The following DHRS7C variants were observed in gnomAD, a reference collection of about 807,000 sequenced individuals.
The protein encoded by DHRS7C is dehydrogenase/reductase 7C, also known as dehydrogenase/reductase SDR family member 7C.
DHRS7C carries 28 observed loss-of-function variants against 29.6 expected under a neutral mutation model. The observed-to-expected ratio is 0.95, with a 90% confidence interval of 0.70 to 1.30. DHRS7C has a LOEUF of 1.30. Among genes scored for constraint, DHRS7C ranks in the 50% most tolerant of loss-of-function variants. The pLI, the probability that DHRS7C is intolerant of heterozygous loss-of-function variation, is 0.00. For missense variants in DHRS7C, 403 were observed against 393.3 expected (o/e 1.02, Z -0.21); for synonymous variants, 158 against 160.2 (o/e 0.99, Z 0.10).
rs1361240512 is a variant in DHRS7C at position 9,771,543 on chromosome 17, A to G, written c.881T>C (p.Phe294Ser). The G allele has an allele frequency of 2.5e-6, 4 of 1,588,532 alleles. No individual in the cohort carries two copies. Among genetic ancestry groups the G allele is most frequent in the Middle Eastern group, 1.7e-4 (1 of 5,982 alleles). Residue 294 changes from phenylalanine (F) to serine (S), a missense_variant, in exon 6 of 6, where the codon TTC becomes TCC. Transcript: ENST00000571134. The stretch of plus-strand genomic sequence containing the variant: ...CTTCACCCCACAGGCCACCACGGCG[A>G]AAAAGAACTCCGGGAAGAAGGTGCG... ...YVRTFFPEFF[F>S]AVVACGVKEK...
rs543965888 is a variant in DHRS7C at position 9,775,361 on chromosome 17, G to A, written c.571+1832C>T. Among the ~76,000 whole-genome samples, 8 of 152,318 alleles carry A rather than the reference G, an allele frequency of 5.3e-5. No individual in the cohort carries two copies. The highest frequency in any genetic ancestry group is 1.9e-4 in the East Asian group (1 of 5,178). ...CCCCAGGTGGACTGCACTTCCCAGC[G>A]TCCCTTGCACTTAGGTGCGACTGAG... is the stretch of plus-strand genomic sequence containing the variant. On this transcript the variant is annotated intron_variant, in intron 4 of 5. Coordinates refer to ENST00000571134, the MANE Select transcript of DHRS7C (RefSeq NM_001105571.3). This position sits in a 1 kb window ranked among gnomAD's most constrained non-coding sequence, Gnocchi z 4.2.
chr17:9,791,280 C>T lies in DHRS7C; in HGVS notation c.5G>A (p.Gly2Glu), dbSNP rs766432562. 3.4e-5 allele frequency: 55 copies of T among 1,613,452 alleles called. 2 individuals carry two copies. Among genetic ancestry groups the T allele is most frequent in the South Asian group, 4.4e-5 (4 of 90,910 alleles). ...GGGGAGCATCAGCATGGCCATGACT[C>T]CCATCTTGTTCTGGGGGACAACGGA... M[G>E]VMAMLMLPLL... is the part of the protein sequence containing the mutation. Residue 2 changes from glycine (G) to glutamate (E), a missense_variant, in exon 1 of 6, where the codon GGA becomes GAA. Physicochemically the swap from Gly to Glu is moderately conservative, Grantham distance 98 (BLOSUM62 -2). Coordinates refer to ENST00000571134, the MANE Select transcript of DHRS7C (RefSeq NM_001105571.3).
chr17:9,779,189 C>T (rs1259166357), intron 3 of DHRS7C, among the ~76,000 whole-genome samples: 1 of 152,186 alleles, frequency 6.6e-6, no homozygotes, highest in Non-Finnish European at 1.5e-5. Flanking sequence ...TTTCCAGCCC[C>T]ACTTCCCAGG....
intron 3 of DHRS7C, 149 bp from the exon 4 acceptor site, chr17:9,777,434 C>T (rs2066368906): frequency 3.8e-6 from 2 of 528,232 alleles, no homozygotes; most frequent in Non-Finnish European, 6.6e-6. Context: ...GGAATGAGTC[C>T]TGCAATCATT....
chr17:9,790,350 G>A (rs1443259629), intron 1 of DHRS7C, among the ~76,000 whole-genome samples: 1 of 152,200 alleles, frequency 6.6e-6, no homozygotes, highest in Non-Finnish European at 1.5e-5. Flanking sequence ...TGTCTGGAAG[G>A]ATAGAGTCAG....
At chr17:9,779,346 C>G (rs1460428951) in intron 3 of DHRS7C, among the ~76,000 whole-genome samples, 1 of 152,210 alleles carries the variant, frequency 6.6e-6, no homozygotes, top group African/African-American at 2.4e-5. Context: ...AAGGGGTTGA[C>G]AGAATACTGG....
chr17:9,781,451 G>A lies in DHRS7C; in HGVS notation c.267+31C>T, dbSNP rs1366139108. The A allele has an allele frequency of 4.4e-6, 7 of 1,605,508 alleles. No homozygotes were observed. The Admixed American group carries it at 1.0e-4, about 23-fold the overall frequency. ...CAATGGAGGCTGGGAGTTCCCAGGA[G>A]TTACCCACGCCTACTGCTAGAAGAC... On this transcript the variant is annotated intron_variant, in intron 2 of 5. Coordinates refer to ENST00000571134, the MANE Select transcript of DHRS7C (RefSeq NM_001105571.3).
rs2066392942 is a variant in DHRS7C at position 9,781,533 on chromosome 17, C to A, written c.216G>T (p.Glu72Asp). Residue 72 changes from glutamate (E) to aspartate (D), a missense_variant, in exon 2 of 6, where the codon GAG (glutamate) becomes GAT (aspartate). Glu to Asp is a conservative substitution (Grantham distance 45). Transcript: ENST00000571134. ...ARLVLCGKNW[E>D]RLENLYDALI... is the part of the protein sequence containing the mutation. ...AGGCATCATATAGGTTCTCTAGCCTCTCCCAGTTCTTTCCACACAGCACCA... is the reference window on the plus strand; with the variant it reads ...AGGCATCATATAGGTTCTCTAGCCTATCCCAGTTCTTTCCACACAGCACCA... The A allele has an allele frequency of 1.9e-6, 3 of 1,614,030 alleles. No homozygotes were observed. Among genetic ancestry groups the A allele is most frequent in the Middle Eastern group, 1.7e-4 (1 of 6,060 alleles).
At position 9,771,598 on chromosome 17, in the gene DHRS7C, T is replaced by C. The variant is rs750405748; in HGVS notation, c.826A>G (p.Asn276Asp). Residue 276 changes from asparagine to aspartate, a missense_variant, in exon 6 of 6, where the codon AAC becomes GAC. By Grantham distance (23) the Asn-to-Asp change is conservative. Transcript: ENST00000571134. ...RRKKQEVFMANPIPKAAVYVR... is the reference protein window; with the variant it reads ...RRKKQEVFMADPIPKAAVYVR... ...TACACGGCGGCCTTGGGGATGGGGT[T>C]GGCCATAAACACCTCTTGCTTCTTC... The C allele has an allele frequency of 1.9e-6, 3 of 1,600,014 alleles. No individual in the cohort carries two copies. Among genetic ancestry groups the C allele is most frequent in the Non-Finnish European group, 2.6e-6 (3 of 1,172,574 alleles).
At chr17:9,773,492 C>G (rs966712804) in intron 4 of DHRS7C, among the ~76,000 whole-genome samples, 4 of 152,050 alleles carry the variant, frequency 2.6e-5, no homozygotes, top group African/African-American at 9.7e-5. Context: ...TCCAGGAGTT[C>G]CAAAAAGAAT....
At chr17:9,783,917 G>A (rs1320743170) in intron 1 of DHRS7C, among the ~76,000 whole-genome samples, 1 of 151,190 alleles carries the variant, frequency 6.6e-6, no homozygotes, top group African/African-American at 2.4e-5. Context: ...CTCCAGCCTG[G>A]GCAACAGAGT....
At chr17:9,788,838 A>G (rs2066438974) in intron 1 of DHRS7C, among the ~76,000 whole-genome samples, 1 of 152,180 alleles carries the variant, frequency 6.6e-6, no homozygotes, top group African/African-American at 2.4e-5. Flanking sequence ...GGTCACACAC[A>G]TCCAGCATCT....
In DHRS7C at chr17:9,777,292, A is replaced by G; in HGVS notation, c.479-7T>C. The G allele has an allele frequency of 6.2e-7, 1 of 1,612,310 alleles. No individual in the cohort carries two copies. The highest frequency in any genetic ancestry group is 1.1e-5 in the South Asian group (1 of 90,776). ...ATCATGTTGGGAAGCAGGGCTGGAA[A>G]ACACAGGACGATGCATCATGGTTAA... is the stretch of plus-strand genomic sequence containing the variant. On this transcript the variant is annotated splice_region_variant and splice_polypyrimidine_tract_variant and intron_variant, in intron 3 of 5. Coordinates refer to ENST00000571134, the MANE Select transcript of DHRS7C (RefSeq NM_001105571.3).
At chr17:9,772,649 CA>C in intron 5 of DHRS7C, 117 bp downstream of exon 5, 1 of 1,333,018 alleles carries the variant, frequency 7.5e-7, no homozygotes, top group Non-Finnish European at 1.0e-6. Context: ...GAGCCTCCTC[CA>C]CCCCCATCCC....
At chr17:9,791,061 C>T in intron 1 of DHRS7C, 70 bp downstream of exon 1, 1 of 1,530,394 alleles carries the variant, frequency 6.5e-7, no homozygotes, top group Non-Finnish European at 8.8e-7. Context: ...GCCCTGCCGC[C>T]CTGCCACCCT....
rs1238464828 is a variant in DHRS7C, at chr17:9,779,850, G to A, written c.453C>T (p.Tyr151=). 1 of 1,613,378 alleles carries A rather than the reference G, an allele frequency of 6.2e-7. No homozygotes were observed. The highest frequency in any genetic ancestry group is 1.1e-5 in the South Asian group (1 of 90,870). The part of the protein sequence containing the change: ...ELDKKIMDAN[Y]FGPITLTKAL... ...CTTTCGTCAATGTGATGGGGCCAAA[G>A]TAATTGGCATCCATGATCTTTTTGT... Residue 151 remains tyrosine, a synonymous_variant, in exon 3 of 6, where the codon TAC becomes TAT. Transcript: ENST00000571134.
chr17:9,785,449 T>G (rs1252366970), intron 1 of DHRS7C, among the ~76,000 whole-genome samples: 1 of 152,006 alleles, frequency 6.6e-6, no homozygotes. Flanking sequence ...TCATTGGGGG[T>G]GGCCTGCAGA....
At chr17:9,784,231 G>A (rs1301923744) in intron 1 of DHRS7C, among the ~76,000 whole-genome samples, 1 of 152,096 alleles carries the variant, frequency 6.6e-6, no homozygotes, top group Non-Finnish European at 1.5e-5. Flanking sequence ...CCAGCACTTT[G>A]GTAGGCCAAG....
intron 4 of DHRS7C, 138 bp from the exon 5 acceptor site, chr17:9,773,060 C>T: frequency 9.1e-7 from 1 of 1,097,450 alleles, no homozygotes; most frequent in Non-Finnish European, 1.3e-6. Context: ...ATCTGCCCCT[C>T]ACTTTACAAA....
Sources: gnomAD v4.1 joint callset for allele counts (sites outside exome capture counted in the v4.1 genomes callset) on GRCh38, gnomAD v4.1.1 for gene constraint, Gnocchi (gnomAD v3.1) non-coding constraint, MANE v1.5 for transcripts, NCBI Gene and HGNC (gene_info 2026-07-23, HGNC 2026-07-21) for gene names.